Variants in STPG2 observed in about 807,000 individuals in gnomAD.
The protein encoded by STPG2 is sperm tail PG-rich repeat containing 2.
STPG2 carries 56 observed loss-of-function variants against 54.2 expected under a neutral mutation model. The ratio of observed to expected loss-of-function variants is 1.03; its 90% CI spans 0.83 to 1.29. The LOEUF (loss-of-function observed/expected upper bound fraction) is 1.29. Among genes scored for constraint, STPG2 ranks in the 50% most tolerant of loss-of-function variants. STPG2 has a pLI of 0.00. For synonymous variants in STPG2, 200 were observed against 181.8 expected, an observed-to-expected ratio of 1.10 and a Z score of -0.81; for missense variants, 596 against 544.9, an observed-to-expected ratio of 1.09 and a Z score of -0.93.
chr4:97,443,832 TA>T (rs1434828424), intron 4 of STPG2, among the ~76,000 whole-genome samples: 1 of 152,128 alleles, frequency 6.6e-6, no homozygotes, highest in Non-Finnish European at 1.5e-5. Context: ...TCAGGAGATA[TA>T]ATCAAAAAAC....
intron 4 of STPG2, among the ~76,000 whole-genome samples, chr4:97,527,350 A>G (rs557572520): frequency 1.3e-5 from 2 of 152,158 alleles, no homozygotes; most frequent in Non-Finnish European, 2.9e-5. Context: ...TTATACCTGC[A>G]TAGTATTCCA....
intron 10 of STPG2, among the ~76,000 whole-genome samples, chr4:97,597,640 T>A (rs2148903359): frequency 6.6e-6 from 1 of 152,266 alleles, no homozygotes; most frequent in South Asian, 2.1e-4. Context: ...AACCACATGA[T>A]CATCTCACTA....
At chr4:98,106,568 C>A (rs1739195558) in intron 4 of STPG2, among the ~76,000 whole-genome samples, 2 of 152,060 alleles carry the variant, frequency 1.3e-5, no homozygotes, top group Non-Finnish European at 2.9e-5. Flanking sequence ...GAGCAAGAGC[C>A]CCAGCTTTGG....
chr4:97,784,301 G>A (rs1726754953), intron 9 of STPG2, among the ~76,000 whole-genome samples: 1 of 151,942 alleles, frequency 6.6e-6, no homozygotes, highest in South Asian at 2.1e-4. Flanking sequence ...TATTTTCTAA[G>A]TGTAAAAAAT....
At chr4:97,527,144 C>A (rs1253953818) in intron 4 of STPG2, among the ~76,000 whole-genome samples, 1 of 152,004 alleles carries the variant, frequency 6.6e-6, no homozygotes, top group Admixed American at 6.6e-5. Context: ...TGCTATCCCT[C>A]CCCTAGCCCC....
chr4:97,805,256 G>C (rs1727518936), intron 9 of STPG2, among the ~76,000 whole-genome samples: 2 of 152,040 alleles, frequency 1.3e-5, no homozygotes, highest in Admixed American at 6.6e-5. Flanking sequence ...GCTCAGGCTG[G>C]AGTGCAGTGG....
intron 7 of STPG2, among the ~76,000 whole-genome samples, chr4:97,958,141 C>A (rs1185006032): frequency 2.0e-5 from 3 of 152,030 alleles, no homozygotes; most frequent in Non-Finnish European, 4.4e-5. Flanking sequence ...AAAACCCTGT[C>A]TCTACTAAAA....
intron 5 of STPG2, among the ~76,000 whole-genome samples, chr4:98,005,527 T>G (rs539013624): frequency 1.3e-5 from 2 of 152,330 alleles, no homozygotes; most frequent in Admixed American, 1.3e-4. Flanking sequence ...TGTGAGTTTG[T>G]CATATATAGC....
intron 10 of STPG2, among the ~76,000 whole-genome samples, chr4:97,562,407 T>C (rs528886017): frequency 6.6e-6 from 1 of 152,310 alleles, no homozygotes; most frequent in Admixed American, 6.5e-5. Context: ...TTAGACTTCC[T>C]CTTTTCCTAA....
chr4:98,111,160 GAA>G (rs549653759), intron 3 of STPG2, among the ~76,000 whole-genome samples: 1 of 151,852 alleles, frequency 6.6e-6, no homozygotes, highest in Non-Finnish European at 1.5e-5. Context: ...CATTACATTT[GAA>G]AAGAGTCTCA....
chr4:97,538,930 T>C (rs1578372212), intron 4 of STPG2, among the ~76,000 whole-genome samples: 3 of 152,280 alleles, frequency 2.0e-5, no homozygotes, highest in East Asian at 3.9e-4. Context: ...GAATTTCATA[T>C]CCAGCCAAAC....
At chr4:97,502,285 A>T (rs2137367) in intron 4 of STPG2, among the ~76,000 whole-genome samples, 273 of 151,134 alleles carry the variant, frequency 1.8e-3, no homozygotes, top group African/African-American at 6.4e-3. Flanking sequence ...CGTCCCTGAT[A>T]AAAAAAAATA....
chr4:98,128,578 T>C lies in STPG2; in HGVS notation c.237A>G (p.Ser79=), dbSNP rs1241051890. Residue 79 remains serine, a synonymous_variant, in exon 3 of 11, where the codon TCA becomes TCG. Transcript: ENST00000295268. ...CATCAACACTTCTGGTAAGTGTAGG[T>C]GATCTTGAAATTTTCTGCAAGGAAA... The part of the protein sequence containing the change: ...NVSEAQKISR[S]PTLTRSVDVP... 2.5e-6 allele frequency: 4 copies of C among 1,590,888 alleles called. No individual in the cohort carries two copies. Among genetic ancestry groups the C allele is most frequent in the Non-Finnish European group, 3.4e-6 (4 of 1,172,420 alleles).
At chr4:97,442,452 G>T (rs1231476572) in intron 4 of STPG2, among the ~76,000 whole-genome samples, 1 of 152,028 alleles carries the variant, frequency 6.6e-6, no homozygotes, top group Non-Finnish European at 1.5e-5. Context: ...GTTAATTAAA[G>T]TAGGGAGACT....
chr4:97,846,003 C>A (rs1212754859), intron 8 of STPG2, among the ~76,000 whole-genome samples: 1 of 152,132 alleles, frequency 6.6e-6, no homozygotes, highest in East Asian at 1.9e-4. Context: ...GAGAAGGCAG[C>A]CTGAACTTCT....
chr4:97,728,580 A>G (rs184861110), intron 9 of STPG2, among the ~76,000 whole-genome samples: 37 of 152,156 alleles, frequency 2.4e-4, no homozygotes, highest in African/African-American at 8.4e-4. Flanking sequence ...CAAACAGAAG[A>G]AAATTTAGGA....
In STPG2 at chr4:97,948,179, T is replaced by C. The variant is rs577417759; in HGVS notation, c.934-4172A>G. ...ATTTATCCATTTCCTCTAGATTTCCTAGGTTGTGTGCATAGTTTGTGTTTC... is the reference window on the plus strand; with the variant it reads ...ATTTATCCATTTCCTCTAGATTTCCCAGGTTGTGTGCATAGTTTGTGTTTC... On this transcript the variant is annotated intron_variant, in intron 7 of 10. Transcript: ENST00000295268. Among the ~76,000 whole-genome samples, 38 of 152,196 alleles carry C rather than the reference T, an allele frequency of 2.5e-4. 1 individual carries two copies. Among genetic ancestry groups the C allele is most frequent in the Non-Finnish European group, 5.0e-4 (34 of 67,948 alleles).
intron 7 of STPG2, among the ~76,000 whole-genome samples, chr4:97,960,273 C>A (rs771982010): frequency 1.3e-5 from 2 of 152,066 alleles, no homozygotes; most frequent in Non-Finnish European, 2.9e-5. Context: ...AGCATTCCCC[C>A]TCTGAGAACT....
At chr4:97,684,689 C>T (rs1374523870) in intron 10 of STPG2, among the ~76,000 whole-genome samples, 1 of 151,702 alleles carries the variant, frequency 6.6e-6, no homozygotes, top group African/African-American at 2.4e-5. Context: ...TTTGCGTTTG[C>T]AATGAATATT....
Sources: gnomAD v4.1 joint callset for allele counts (sites outside exome capture counted in the v4.1 genomes callset) on GRCh38, gnomAD v4.1.1 for gene constraint, MANE v1.5 for transcripts, NCBI Gene and HGNC (gene_info 2026-07-23, HGNC 2026-07-21) for gene names.